Variants in GRM7 observed in about 807,000 individuals in gnomAD.
The protein encoded by GRM7 is metabotropic glutamate receptor 7.
GRM7 carries 35 observed loss-of-function variants against 84.5 expected under a neutral mutation model. That is an observed-to-expected ratio of 0.41 (90% CI 0.32 to 0.55). GRM7 has a LOEUF of 0.55. Ranked by LOEUF, GRM7 falls within the 20% of genes least tolerant of loss-of-function variation. The probability of loss-of-function intolerance (pLI) is 0.19; values close to 1 mark genes in which losing one functional copy is unlikely to be tolerated. For missense variants in GRM7, 1,003 were observed against 1,194.6 expected, an observed-to-expected ratio of 0.84 and a Z score of 2.36; for synonymous variants, 487 against 455.1, an observed-to-expected ratio of 1.07 and a Z score of -0.89.
chr3:7,194,260 G>A (rs940182044), intron 2 of GRM7, among the ~76,000 whole-genome samples: 3 of 151,998 alleles, frequency 2.0e-5, no homozygotes, highest in African/African-American at 4.8e-5. Flanking sequence ...TCCAAGACAA[G>A]GTCTCTATTA....
intron 7 of GRM7, among the ~76,000 whole-genome samples, chr3:7,512,746 C>T (rs1349257320): frequency 3.3e-5 from 5 of 151,932 alleles, no homozygotes; most frequent in African/African-American, 1.2e-4. Flanking sequence ...TTTTATCCAA[C>T]CTGGAGGACA....
chr3:7,649,613 A>T (rs950377097), intron 8 of GRM7, among the ~76,000 whole-genome samples: 1 of 152,080 alleles, frequency 6.6e-6, no homozygotes, highest in African/African-American at 2.4e-5. Context: ...CCCCCTTGCT[A>T]ACTTGCGTGA....
chr3:7,272,310 A>G (rs773062599), intron 2 of GRM7, among the ~76,000 whole-genome samples: 7 of 152,210 alleles, frequency 4.6e-5, no homozygotes, highest in Non-Finnish European at 8.8e-5. Flanking sequence ...ACTGAGGCTT[A>G]TAACACTCAA....
chr3:7,306,399 G>T, intron 3 of GRM7, 99 bp from the exon 4 acceptor site: 1 of 949,724 alleles, frequency 1.1e-6, no homozygotes, highest in Non-Finnish European at 1.6e-6. Context: ...TTTACTTTTT[G>T]AGGAAGAATA....
In GRM7 at chr3:7,163,839, A is replaced by G. The variant is rs74792252; in HGVS notation, c.736+17171A>G. ...TATGTGGAATGATTTAGTTGAAGTC[A>G]TGCTTATGCCCCATTCTTTAAAAAG... On this transcript the variant is annotated intron_variant, in intron 2 of 9. Coordinates refer to ENST00000357716, the MANE Select transcript of GRM7 (RefSeq NM_000844.4). 1.2e-3 allele frequency among the ~76,000 whole-genome samples: 183 copies of G among 152,350 alleles called. 1 individual carries two copies. Among genetic ancestry groups the G allele is most frequent in the African/African-American group, 4.2e-3 (176 of 41,586 alleles).
At chr3:7,219,736 T>C (rs1316396583) in intron 2 of GRM7, among the ~76,000 whole-genome samples, 2 of 152,198 alleles carry the variant, frequency 1.3e-5, no homozygotes, top group Non-Finnish European at 2.9e-5. Context: ...TATACATCAG[T>C]AGCAGCAAGC....
chr3:7,269,843 T>TC (rs1289933364), intron 2 of GRM7, among the ~76,000 whole-genome samples: 6 of 151,930 alleles, frequency 3.9e-5, no homozygotes, highest in Non-Finnish European at 5.9e-5. Context: ...CTTCTGCAGC[T>TC]CCCCCTTTCC....
chr3:6,929,242 AAC>A (rs1697412215), intron 1 of GRM7, among the ~76,000 whole-genome samples: 1 of 152,168 alleles, frequency 6.6e-6, no homozygotes, highest in African/African-American at 2.4e-5. Context: ...ATTTTTTAAT[AAC>A]ACACAGAGCA....
chr3:7,682,092 T>C (rs1700390717), intron 9 of GRM7: 1 of 152,108 alleles, frequency 6.6e-6, no homozygotes, highest in Non-Finnish European at 1.5e-5. Context: ...TCCCAGCACT[T>C]TGGGAGGACG....
chr3:7,540,147 C>A (rs1035749108), intron 7 of GRM7, among the ~76,000 whole-genome samples: 3 of 152,070 alleles, frequency 2.0e-5, no homozygotes, highest in Non-Finnish European at 2.9e-5. Context: ...CCACATTGAA[C>A]GGTTGCTTTA....
At chr3:7,431,175 A>G (rs183220240) in intron 5 of GRM7, among the ~76,000 whole-genome samples, 1,565 of 152,294 alleles carry the variant, frequency 0.01, 29 homozygotes, top group African/African-American at 0.034. Flanking sequence ...CATCAAAAAG[A>G]AAGTGAATTA....
intron 9 of GRM7, among the ~76,000 whole-genome samples, chr3:7,734,360 C>G (rs1217200930): frequency 6.6e-6 from 1 of 151,976 alleles, no homozygotes; most frequent in African/African-American, 2.4e-5. Context: ...CACATGGCAG[C>G]TTTAATATAT....
At chr3:7,444,190 A>G (rs966538885) in intron 5 of GRM7, among the ~76,000 whole-genome samples, 20 of 152,292 alleles carry the variant, frequency 1.3e-4, no homozygotes, top group African/African-American at 3.8e-4. Flanking sequence ...AACTCCTGGG[A>G]TGGCATAAAC....
chr3:7,303,057 C>T (rs1054676405), intron 3 of GRM7, among the ~76,000 whole-genome samples: 1 of 151,362 alleles, frequency 6.6e-6, no homozygotes. Flanking sequence ...TCTCCTGCCT[C>T]AGCCTCCTGA....
In GRM7 at chr3:7,192,244, C is replaced by T. The variant is rs758709738; in HGVS notation, c.736+45576C>T. Among the ~76,000 whole-genome samples the T allele has an allele frequency of 6.6e-5, 10 of 151,944 alleles. No individual in the cohort carries two copies. The East Asian group carries it at 7.7e-4, about 12-fold the overall frequency. Reference sequence around the variant, plus strand: ...GAAATTGGCATTATTACCAAGGACCCGAAGAACATCTAATTTAGGTGGTAC... The same window carrying T: ...GAAATTGGCATTATTACCAAGGACCTGAAGAACATCTAATTTAGGTGGTAC... On this transcript the variant is annotated intron_variant, in intron 2 of 9. Coordinates refer to ENST00000357716, the MANE Select transcript of GRM7 (RefSeq NM_000844.4).
rs776457533 is a variant in GRM7 at position 7,578,469 on chromosome 3, A to G, written c.1563A>G (p.Ser521=). 6.2e-7 allele frequency: 1 copy of G among 1,613,840 alleles called. No individual in the cohort carries two copies. The highest frequency in any genetic ancestry group is 8.5e-7 in the Non-Finnish European group (1 of 1,179,808). ...AAGGAGTCCGAGAGATACCCGCCTC[A>G]GTGTGCACACTACCATGTAAGCCAG... ...WGKGVREIPA[S]VCTLPCKPGQ... Residue 521 remains serine (S), a synonymous_variant, in exon 8 of 10, where the codon TCA becomes TCG. Coordinates refer to ENST00000357716, the MANE Select transcript of GRM7 (RefSeq NM_000844.4).
chr3:7,633,363 C>T (rs781381546), intron 8 of GRM7, among the ~76,000 whole-genome samples: 10 of 152,066 alleles, frequency 6.6e-5, no homozygotes, highest in Non-Finnish European at 1.5e-4. Context: ...GTAACTTGTC[C>T]CAAAACACAT....
chr3:7,378,807 G>A (rs1420999810), intron 4 of GRM7, among the ~76,000 whole-genome samples: 1 of 152,178 alleles, frequency 6.6e-6, no homozygotes, highest in South Asian at 2.1e-4. Flanking sequence ...TGCCACATTT[G>A]ATTCATCTAT....
intron 6 of GRM7, among the ~76,000 whole-genome samples, chr3:7,459,247 C>A (rs898548888): frequency 7.9e-5 from 12 of 152,256 alleles, no homozygotes; most frequent in African/African-American, 2.4e-4. Context: ...TGTCCACTCC[C>A]AGAGCTCCAG....
Sources: allele counts gnomAD v4.1 joint callset (sites outside exome capture counted in the v4.1 genomes callset), GRCh38; gene constraint gnomAD v4.1.1; transcripts MANE v1.5; gene names NCBI Gene and HGNC (gene_info 2026-07-23, HGNC 2026-07-21).